Variants in PPM1H observed in about 807,000 individuals in gnomAD.
PPM1H encodes the protein protein phosphatase 1H.
In PPM1H, 27 loss-of-function variants were observed where a neutral mutation model predicts 54.9. The ratio of observed to expected loss-of-function variants is 0.49; its 90% CI spans 0.36 to 0.68. The LOEUF (loss-of-function observed/expected upper bound fraction) is 0.68. PPM1H is among the 30% of genes least tolerant of loss of function. The pLI is 0.00. For synonymous variants in PPM1H, 305 were observed against 270.8 expected (o/e 1.13, Z -1.24); for missense variants, 596 against 667.8 (o/e 0.89, Z 1.19).
intron 2 of PPM1H, among the ~76,000 whole-genome samples, chr12:62,823,983 T>TA (rs1315392476): frequency 6.6e-6 from 1 of 152,062 alleles, no homozygotes; most frequent in East Asian, 1.9e-4. Flanking sequence ...GATGACATGA[T>TA]TGTATATCTA....
chr12:62,810,161 C>T (rs913957157), intron 2 of PPM1H, among the ~76,000 whole-genome samples: 6 of 152,010 alleles, frequency 3.9e-5, no homozygotes, highest in African/African-American at 1.4e-4. Flanking sequence ...TTTATTTTTT[C>T]AAAGCAATAC....
At chr12:62,679,005 T>C (rs2076003519) in intron 8 of PPM1H, among the ~76,000 whole-genome samples, 1 of 152,114 alleles carries the variant, frequency 6.6e-6, no homozygotes, top group Non-Finnish European at 1.5e-5. Context: ...CTTTGTTTTT[T>C]GAGACAGAGT....
intron 1 of PPM1H, among the ~76,000 whole-genome samples, chr12:62,924,834 G>A: frequency 6.6e-6 from 1 of 152,158 alleles, no homozygotes; most frequent in East Asian, 1.9e-4. Flanking sequence ...TTGAGCCCAG[G>A]AGTTCGAGAC....
chr12:62,923,638 G>A (rs1232877789), intron 1 of PPM1H, among the ~76,000 whole-genome samples: 8 of 152,222 alleles, frequency 5.3e-5, no homozygotes, highest in Non-Finnish European at 2.9e-5. Context: ...CTGACCTCAG[G>A]TGATTCGCCC....
chr12:62,682,657 C>A (rs71465163), intron 8 of PPM1H, among the ~76,000 whole-genome samples: 4,522 of 152,248 alleles, frequency 0.03, 125 homozygotes, highest in Non-Finnish European at 0.044. Context: ...GTGTGCACCA[C>A]TATGCCCGGA....
chr12:62,891,934 G>C (rs1363899726), intron 1 of PPM1H, among the ~76,000 whole-genome samples: 2 of 152,150 alleles, frequency 1.3e-5, no homozygotes, highest in Non-Finnish European at 2.9e-5. Context: ...GCATGTGTAT[G>C]TGCAGGCGTG....
intron 1 of PPM1H, among the ~76,000 whole-genome samples, chr12:62,926,722 A>C (rs868546812): frequency 6.6e-6 from 1 of 152,174 alleles, no homozygotes; most frequent in Non-Finnish European, 1.5e-5. Flanking sequence ...TGGGAGGCCG[A>C]GGTGGGCGGA....
At chr12:62,887,031 G>A (rs749700384) in intron 1 of PPM1H, among the ~76,000 whole-genome samples, 18 of 152,336 alleles carry the variant, frequency 1.2e-4, no homozygotes, top group East Asian at 1.9e-4. Flanking sequence ...AAGTGAGACA[G>A]AGAACTGGCC....
chr12:62,806,926 C>T (rs1472845525), intron 2 of PPM1H, among the ~76,000 whole-genome samples: 1 of 152,172 alleles, frequency 6.6e-6, no homozygotes, highest in Non-Finnish European at 1.5e-5. Flanking sequence ...CTTAGTACTA[C>T]AAGGCCAGCC....
intron 8 of PPM1H, among the ~76,000 whole-genome samples, chr12:62,680,726 C>A (rs1244813406): frequency 6.6e-6 from 1 of 152,184 alleles, no homozygotes; most frequent in Non-Finnish European, 1.5e-5. Context: ...AGCCACCCAG[C>A]TGAACCCAGT....
At chr12:62,837,491 A>G (rs1237369238) in intron 1 of PPM1H, among the ~76,000 whole-genome samples, 1 of 151,984 alleles carries the variant, frequency 6.6e-6, no homozygotes, top group Non-Finnish European at 1.5e-5. Flanking sequence ...CTCAACACCA[A>G]CTCTCTCTCC....
intron 1 of PPM1H, among the ~76,000 whole-genome samples, chr12:62,842,252 G>C (rs1868779277): frequency 6.6e-6 from 1 of 152,114 alleles, no homozygotes; most frequent in South Asian, 2.1e-4. Flanking sequence ...AAAAAGCAAA[G>C]TTCTGCTTTT....
intron 4 of PPM1H, among the ~76,000 whole-genome samples, chr12:62,763,603 A>G (rs1384471661): frequency 6.6e-6 from 1 of 152,236 alleles, no homozygotes; most frequent in African/African-American, 2.4e-5. Context: ...TAATTAGAAC[A>G]CTTGTCAAAT....
rs377207020 is a variant in PPM1H at position 62,670,039 on chromosome 12, A to G, written c.1246-2710T>C. ...GTTGCCCAGGCTGGAGTGCAATGGC[A>G]TGATCTCAGCTCACTGCAACCTCTG... is the stretch of plus-strand genomic sequence containing the variant. On this transcript the variant is annotated intron_variant, in intron 8 of 9. Coordinates refer to ENST00000228705, the MANE Select transcript of PPM1H (RefSeq NM_020700.2). 5.5e-3 allele frequency among the ~76,000 whole-genome samples: 674 copies of G among 123,468 alleles called. 8 individuals are homozygous for G. The highest frequency in any genetic ancestry group is 6.3e-3 in the Admixed American group (56 of 8,918). 81.0% of individuals were successfully genotyped at this position (123,468 alleles called of 152,430 possible). A position where few individuals can be genotyped will look rare whatever the true frequency, so the allele number is the denominator to read the frequency against.
intron 1 of PPM1H, among the ~76,000 whole-genome samples, chr12:62,923,431 C>T (rs1307303846): frequency 6.6e-6 from 1 of 152,054 alleles, no homozygotes; most frequent in Non-Finnish European, 1.5e-5. Context: ...GACAAAGTCT[C>T]CCTCTTGGCC....
rs1006415256 is a variant in PPM1H, at chr12:62,776,875, G to A, written c.869+11351C>T. On this transcript the variant is annotated intron_variant, in intron 4 of 9. Coordinates refer to ENST00000228705, the MANE Select transcript of PPM1H (RefSeq NM_020700.2). ...GCCCATATTGTTCAGTTAACTCCTTGAAGCAAACAAATCATTTGATAACTG... is the reference window on the plus strand; with the variant it reads ...GCCCATATTGTTCAGTTAACTCCTTAAAGCAAACAAATCATTTGATAACTG... Among the ~76,000 whole-genome samples, 3 of 152,164 alleles carry A rather than the reference G, an allele frequency of 2.0e-5. No individual in the cohort carries two copies. In the East Asian group the frequency reaches 5.8e-4, roughly 29 times the overall value.
intron 4 of PPM1H, among the ~76,000 whole-genome samples, chr12:62,763,999 G>A (rs1312529795): frequency 2.0e-5 from 3 of 152,182 alleles, no homozygotes; most frequent in East Asian, 1.9e-4. Flanking sequence ...CTCAGTCCTG[G>A]ATTCCTGCCT....
intron 2 of PPM1H, among the ~76,000 whole-genome samples, chr12:62,817,483 C>A (rs953016367): frequency 3.2e-4 from 46 of 142,486 alleles, no homozygotes; most frequent in East Asian, 1.5e-3. Context: ...AACAAACAAA[C>A]AAAAAAAAAA....
chr12:62,787,956 T>G lies in PPM1H; in HGVS notation c.869+270A>C, dbSNP rs183519061. Among the ~76,000 whole-genome samples, 9 of 152,346 alleles carry G rather than the reference T, an allele frequency of 5.9e-5. No individual in the cohort carries two copies. In the East Asian group the frequency reaches 1.7e-3, roughly 29 times the overall value. The stretch of plus-strand genomic sequence containing the variant: ...TCACTCTCACATATTATGCTCCTGC[T>G]AAGTTTTCACTGAGAAACAGATTCT... On this transcript the variant is annotated intron_variant, in intron 4 of 9. Transcript: ENST00000228705.
Sources: allele counts gnomAD v4.1 joint callset (sites outside exome capture counted in the v4.1 genomes callset), GRCh38; gene constraint gnomAD v4.1.1; transcripts MANE v1.5; gene names NCBI Gene and HGNC (gene_info 2026-07-23, HGNC 2026-07-21).